C15orf40: variants seen among roughly 807,000 people sequenced by gnomAD.
C15orf40 encodes the protein chromosome 15 open reading frame 40, also known as UPF0235 protein C15orf40.
A neutral mutation model predicts 13.9 loss-of-function variants in C15orf40; 9 were observed. That is an observed-to-expected ratio of 0.65 (90% CI 0.39 to 1.13). The LOEUF (loss-of-function observed/expected upper bound fraction) is 1.13, where lower values mean the gene tolerates loss of function less well. C15orf40 is among the 50% of genes most tolerant of loss of function. C15orf40 has a pLI of 0.01. For synonymous variants in C15orf40, 95 were observed against 69.2 expected, an observed-to-expected ratio of 1.37 and a Z score of -1.85; for missense variants, 225 against 188.5, an observed-to-expected ratio of 1.19 and a Z score of -1.13.
At chr15:83,009,943 C>A (rs1412890985) in intron 2 of C15orf40, among the ~76,000 whole-genome samples, 1 of 152,204 alleles carries the variant, frequency 6.6e-6, no homozygotes, top group East Asian at 1.9e-4. Flanking sequence ...TGGAACAGGA[C>A]AAACTAAGAA....
intron 3 of C15orf40, 36 bp from the exon 4 acceptor site, chr15:83,005,728 AG>A (rs1358037504): frequency 5.0e-6 from 8 of 1,597,878 alleles, no homozygotes; most frequent in Non-Finnish European, 6.8e-6. Context: ...TTTACTGTTT[AG>A]CACATTCTAA....
At chr15:83,010,597 T>G in intron 1 of C15orf40, 1 of 469,282 alleles carries the variant, frequency 2.1e-6, no homozygotes, top group Non-Finnish European at 3.8e-6. Flanking sequence ...CAAGAAAACC[T>G]AACTCTGGCT....
At chr15:82,989,513 CG>C (rs2030767888), downstream of C15orf40, among the ~76,000 whole-genome samples, 3 of 152,090 alleles carry the variant, frequency 2.0e-5, no homozygotes, top group Admixed American at 2.0e-4. Context: ...AACATTGTTT[CG>C]ATTTTACTTT....
At position 83,001,172 on chromosome 15, in the gene C15orf40, C is replaced by T. The variant is rs906485202; in HGVS notation, c.*4425G>A. 1.6e-5 allele frequency: 16 copies of T among 985,446 alleles called. No homozygotes were observed. In the Admixed American group the frequency reaches 2.5e-4, roughly 15 times the overall value. The allele number at this position is 985,446 out of a possible 1,614,324, so 61.0% of individuals were successfully genotyped here. On this transcript the variant is annotated 3_prime_UTR_variant, in exon 4 of 4. Coordinates refer to ENST00000304177, the MANE Select transcript of C15orf40 (RefSeq NM_144597.3). ...TGGTTATTGCTGTCCCTCCCCTAAC[C>T]GAGAGGAAAGTGTGGAATGGCTCAC...
In C15orf40 at chr15:83,000,983, T is replaced by G. The variant is rs1267515049; in HGVS notation, c.*4614A>C. 2.8e-6 allele frequency: 1 copy of G among 351,332 alleles called. No individual in the cohort carries two copies. The highest frequency in any genetic ancestry group is 4.0e-6 in the Non-Finnish European group (1 of 250,572). 21.8% of individuals were successfully genotyped at this position (351,332 alleles called of 1,614,324 possible). On this transcript the variant is annotated 3_prime_UTR_variant, in exon 4 of 4. Transcript: ENST00000304177. ...ATGCATTGCCATGCCCAGCGAATAT[T>G]TGTATTTGTAGTAGAAACAGGGTTT...
chr15:83,005,910 AT>A (rs2031654016), intron 3 of C15orf40, among the ~76,000 whole-genome samples: 1 of 152,052 alleles, frequency 6.6e-6, no homozygotes, highest in Non-Finnish European at 1.5e-5. Flanking sequence ...TCATACATCA[AT>A]TTCTATAATA....
Position 83,011,531 on chromosome 15 carries a change from G to A in C15orf40, c.77C>T (p.Ala26Val). 1 of 1,607,436 alleles carries A rather than the reference G, an allele frequency of 6.2e-7. No individual in the cohort carries two copies. The highest frequency in any genetic ancestry group is 1.7e-5 in the Admixed American group (1 of 59,850). ...NTRGSARLLC[A>V]EMPKKAGATT... ...CGCACCAGCCTTCTTAGGCATCTCG[G>A]CGCAAAGAAGCCGAGCGGAGCCCCG... is the stretch of plus-strand genomic sequence containing the variant. Residue 26 changes from alanine to valine, a missense_variant, in exon 1 of 4, where the codon GCC becomes GTC. Coordinates refer to ENST00000304177, the MANE Select transcript of C15orf40 (RefSeq NM_144597.3).
chr15:83,007,401 G>A (rs1022491734), intron 3 of C15orf40, among the ~76,000 whole-genome samples: 3 of 152,170 alleles, frequency 2.0e-5, no homozygotes, highest in South Asian at 2.1e-4. Flanking sequence ...TGGCAACAGC[G>A]GCAGTGAAGA....
intron 2 of C15orf40, among the ~76,000 whole-genome samples, chr15:83,009,972 A>T (rs752005198): frequency 2.0e-5 from 3 of 152,222 alleles, no homozygotes; most frequent in Non-Finnish European, 4.4e-5. Context: ...ACTACACACA[A>T]GTTTCCATAA....
chr15:82,991,440 G>A (rs2030857049), downstream of C15orf40, among the ~76,000 whole-genome samples: 1 of 152,140 alleles, frequency 6.6e-6, no homozygotes. Flanking sequence ...AGCTACTCGG[G>A]AGGCTGAGGC....
At chr15:83,006,205 T>C (rs1178854491) in intron 3 of C15orf40, 5 of 256,508 alleles carry the variant, frequency 1.9e-5, no homozygotes, top group Non-Finnish European at 3.0e-5. Flanking sequence ...CACTCCAGCC[T>C]GGGCAACAGA....
In C15orf40 at chr15:83,005,174, T is replaced by C; in HGVS notation, c.*423A>G. ...TCTACTTTTTGGAGTCTTATTCGAATATATACATATATATATGTCCCCCAT... is the reference window on the plus strand; with the variant it reads ...TCTACTTTTTGGAGTCTTATTCGAACATATACATATATATATGTCCCCCAT... On this transcript the variant is annotated 3_prime_UTR_variant, in exon 4 of 4. Transcript: ENST00000304177. The C allele has an allele frequency of 2.9e-6, 3 of 1,038,042 alleles. No homozygotes were observed. Among genetic ancestry groups the C allele is most frequent in the Non-Finnish European group, 3.5e-6 (3 of 859,498 alleles). The allele number at this position is 1,038,042 out of a possible 1,614,324, so 64.3% of individuals were successfully genotyped here. A position where few individuals can be genotyped will look rare whatever the true frequency, so the allele number is the denominator to read the frequency against.
intron 3 of C15orf40, chr15:83,006,390 A>G: frequency 1.0e-6 from 1 of 985,254 alleles, no homozygotes; most frequent in Non-Finnish European, 1.2e-6. Flanking sequence ...TATGTTGTTA[A>G]ACATTTCTGA....
At chr15:83,010,413 CATTTA>C in intron 1 of C15orf40, 50 bp from the exon 2 acceptor site, 5 of 1,606,788 alleles carry the variant, frequency 3.1e-6, no homozygotes, top group Non-Finnish European at 3.4e-6. Flanking sequence ...TTTTCCCACA[CATTTA>C]ATTTGATTCT....
chr15:83,009,819 C>T (rs934744486), intron 2 of C15orf40, among the ~76,000 whole-genome samples: 5 of 152,144 alleles, frequency 3.3e-5, no homozygotes, highest in African/African-American at 1.2e-4. Flanking sequence ...AAAACAAATT[C>T]GCACAGGAAC....
chr15:83,006,377 C>T, intron 3 of C15orf40: 1 of 983,304 alleles, frequency 1.0e-6, no homozygotes, highest in Non-Finnish European at 1.2e-6. Context: ...AATTGCTATT[C>T]TCTATGTTGT....
chr15:83,011,627 G>T lies in C15orf40; in HGVS notation c.-20C>A. The T allele has an allele frequency of 1.9e-6, 3 of 1,550,112 alleles. No individual in the cohort carries two copies. Among genetic ancestry groups the T allele is most frequent in the Non-Finnish European group, 2.6e-6 (3 of 1,152,442 alleles). On this transcript the variant is annotated 5_prime_UTR_variant, in exon 1 of 4. Coordinates refer to ENST00000304177, the MANE Select transcript of C15orf40 (RefSeq NM_144597.3). ...CAGCATCCCCGCCTGGGAAGGCGCC[G>T]GAAGAGCCCTCTGCGCTTGCGCAGG...
chr15:82,994,476 A>C (rs943714881), downstream of C15orf40, among the ~76,000 whole-genome samples: 14 of 152,330 alleles, frequency 9.2e-5, no homozygotes, highest in African/African-American at 3.1e-4. Context: ...ATGGAAAACT[A>C]TGCCGTAGAC....
Position 83,008,550 on chromosome 15 carries a change from T to C in C15orf40, c.364A>G (p.Lys122Glu). 2 of 1,613,364 alleles carry C rather than the reference T, an allele frequency of 1.2e-6. No homozygotes were observed. Among genetic ancestry groups the C allele is most frequent in the Non-Finnish European group, 8.5e-7 (1 of 1,179,710 alleles). The change falls in exon 3 of 4, where the codon AAG becomes GAG. Residue 122 changes from lysine to glutamate, a missense_variant and splice_region_variant. Physicochemically the swap from Lys to Glu is moderately conservative, Grantham distance 56. Transcript: ENST00000304177. ...AAAAAAAAGAGAGCGAGACCTACCT[T>C]ATCCAAAACCACATCACTCTTCCTG... ...ELRKSDVVLD[K>E]GGKSREKVVK... is the part of the protein sequence containing the mutation.
Sources: allele counts gnomAD v4.1 joint callset (sites outside exome capture counted in the v4.1 genomes callset), GRCh38; gene constraint gnomAD v4.1.1; transcripts MANE v1.5; gene names NCBI Gene and HGNC (gene_info 2026-07-23, HGNC 2026-07-21).